MAPRE2: variants seen among roughly 807,000 people sequenced by gnomAD.
MAPRE2 encodes the protein microtubule-associated protein RP/EB family member 2.
MAPRE2 carries 13 observed loss-of-function variants against 43.2 expected under a neutral mutation model. That is an observed-to-expected ratio of 0.30 (90% CI 0.20 to 0.48). The LOEUF (loss-of-function observed/expected upper bound fraction) is 0.48, where lower values mean the gene tolerates loss of function less well. MAPRE2 is among the 20% of genes least tolerant of loss of function. The pLI is 0.99. For synonymous variants in MAPRE2, 135 were observed against 148.8 expected, an observed-to-expected ratio of 0.91 and a Z score of 0.68; for missense variants, 161 against 400.2, an observed-to-expected ratio of 0.40 and a Z score of 5.10.
intron 1 of MAPRE2, among the ~76,000 whole-genome samples, chr18:35,060,947 A>G (rs1476266984): frequency 6.6e-6 from 1 of 152,212 alleles, no homozygotes; most frequent in East Asian, 1.9e-4. Context: ...CATATGTAGA[A>G]TACTTGGTGA....
chr18:35,038,429 C>G (rs1266442253), upstream of MAPRE2, among the ~76,000 whole-genome samples: 1 of 152,218 alleles, frequency 6.6e-6, no homozygotes, highest in African/African-American at 2.4e-5. Context: ...GGGAGACCCT[C>G]TTTATGGCAG....
intron 2 of MAPRE2, among the ~76,000 whole-genome samples, chr18:35,015,073 G>A (rs1182527070): frequency 6.6e-6 from 1 of 152,108 alleles, no homozygotes; most frequent in African/African-American, 2.4e-5. Context: ...TAGAATGCTT[G>A]TATATATTCA....
At chr18:35,035,240 T>G (rs1429130689) in intron 2 of MAPRE2, among the ~76,000 whole-genome samples, 1 of 151,940 alleles carries the variant, frequency 6.6e-6, no homozygotes, top group Non-Finnish European at 1.5e-5. Flanking sequence ...GAAATCATCA[T>G]TCTCAGTAAA....
At chr18:35,030,158 C>T (rs913947413) in intron 2 of MAPRE2, among the ~76,000 whole-genome samples, 9 of 152,130 alleles carry the variant, frequency 5.9e-5, no homozygotes, top group Admixed American at 3.9e-4. Flanking sequence ...CCATAATTTA[C>T]AGCTCCTCTC....
intron 4 of MAPRE2, among the ~76,000 whole-genome samples, chr18:35,118,301 A>C (rs1189301575): frequency 6.6e-6 from 1 of 152,032 alleles, no homozygotes; most frequent in East Asian, 1.9e-4. Flanking sequence ...ATGACCCCTA[A>C]ACAGTGGATT....
At chr18:35,052,727 A>G (rs1167896143) in intron 1 of MAPRE2, among the ~76,000 whole-genome samples, 2 of 152,244 alleles carry the variant, frequency 1.3e-5, no homozygotes, top group East Asian at 3.9e-4. Flanking sequence ...AACACTTACT[A>G]TCAGTCTCTT....
chr18:35,017,250 T>G (rs1413702735), intron 2 of MAPRE2, among the ~76,000 whole-genome samples: 6 of 34,076 alleles, frequency 1.8e-4, no homozygotes, highest in African/African-American at 2.4e-4. Context: ...TGTTGTTTTT[T>G]TTTTTTTTTT....
upstream of MAPRE2, among the ~76,000 whole-genome samples, chr18:35,039,192 A>C (rs1000989996): frequency 2.6e-5 from 4 of 152,264 alleles, no homozygotes; most frequent in Non-Finnish European, 4.4e-5. Context: ...AGGACATTAA[A>C]TATTTGATTT....
chr18:35,044,201 C>A (rs1164094394), intron 1 of MAPRE2, among the ~76,000 whole-genome samples: 1 of 152,078 alleles, frequency 6.6e-6, no homozygotes, highest in Non-Finnish European at 1.5e-5. Context: ...TCTAGGTAGG[C>A]CCCCGAACAG....
At chr18:35,032,652 G>T (rs1427091423) in intron 2 of MAPRE2, among the ~76,000 whole-genome samples, 2 of 152,112 alleles carry the variant, frequency 1.3e-5, no homozygotes, top group African/African-American at 2.4e-5. Context: ...AATTGCACCT[G>T]TGTGCTGGGA....
intron 2 of MAPRE2, among the ~76,000 whole-genome samples, chr18:35,009,108 G>A (rs1375705549): frequency 6.6e-6 from 1 of 152,058 alleles, no homozygotes; most frequent in Non-Finnish European, 1.5e-5. Context: ...GACTTTACTG[G>A]GGAACTAAGA....
At chr18:35,121,487 T>G (rs549758093) in intron 4 of MAPRE2, among the ~76,000 whole-genome samples, 47 of 152,214 alleles carry the variant, frequency 3.1e-4, no homozygotes, top group Non-Finnish European at 6.5e-4. Flanking sequence ...CTGAGATTCC[T>G]TTTTATTTTG....
intron 4 of MAPRE2, among the ~76,000 whole-genome samples, chr18:35,105,208 C>A (rs1908849867): frequency 6.6e-6 from 1 of 152,092 alleles, no homozygotes; most frequent in Non-Finnish European, 1.5e-5. Flanking sequence ...GGTGACAATG[C>A]TCAGGAAACA....
At chr18:35,074,649 G>T (rs971471257) in intron 2 of MAPRE2, among the ~76,000 whole-genome samples, 1 of 152,082 alleles carries the variant, frequency 6.6e-6, no homozygotes, top group Non-Finnish European at 1.5e-5. Context: ...AAAATCACTG[G>T]GTCCAATGCT....
chr18:34,985,316 TTA>T (rs1169938410), intron 1 of MAPRE2, among the ~76,000 whole-genome samples: 1 of 43,754 alleles, frequency 2.3e-5, no homozygotes, highest in Non-Finnish European at 3.7e-5. Context: ...ATATATTATA[TTA>T]TATATATAAT....
chr18:35,021,192 C>T (rs1280820393), intron 2 of MAPRE2, among the ~76,000 whole-genome samples: 1 of 152,082 alleles, frequency 6.6e-6, no homozygotes, highest in East Asian at 1.9e-4. Flanking sequence ...AATACCAGAC[C>T]ATTACTTAAG....
At chr18:35,043,977 A>G (rs1486394246) in intron 1 of MAPRE2, among the ~76,000 whole-genome samples, 1 of 152,218 alleles carries the variant, frequency 6.6e-6, no homozygotes, top group East Asian at 1.9e-4. Flanking sequence ...TAGCCATTTA[A>G]TTGCTGAGGA....
chr18:34,988,122 A>G (rs2097021950), intron 1 of MAPRE2, among the ~76,000 whole-genome samples: 1 of 152,214 alleles, frequency 6.6e-6, no homozygotes, highest in African/African-American at 2.4e-5. Context: ...TTTATATACC[A>G]ATACCACATA....
chr18:34,998,772 ATTTTTTTTTTTTTTT>A (rs67933808), intron 1 of MAPRE2, among the ~76,000 whole-genome samples: 17 of 93,732 alleles, frequency 1.8e-4, no homozygotes, highest in Non-Finnish European at 2.5e-4. Flanking sequence ...CGAAGTTGCA[ATTTTTTTTTTTTTTT>A]TTTTTTTTTT....
Sources: gnomAD v4.1 joint callset for allele counts (sites outside exome capture counted in the v4.1 genomes callset) on GRCh38, gnomAD v4.1.1 for gene constraint, MANE v1.5 for transcripts, NCBI Gene and HGNC (gene_info 2026-07-23, HGNC 2026-07-21) for gene names.